The following PTPRM variants were observed in gnomAD, a reference collection of about 807,000 sequenced individuals.
The protein encoded by PTPRM is receptor-type tyrosine-protein phosphatase mu.
A neutral mutation model predicts 186.7 loss-of-function variants in PTPRM; 47 were observed. The observed-to-expected ratio is 0.25, with a 90% CI of 0.20 to 0.32. PTPRM has a LOEUF of 0.32. Ranked by LOEUF, PTPRM falls within the 10% of genes least tolerant of loss-of-function variation. The pLI is 1.00. For synonymous variants in PTPRM, 668 were observed against 674.9 expected (o/e 0.99, Z 0.16); for missense variants, 1,494 against 1,865.0 (o/e 0.80, Z 3.66).
At position 7,739,074 on chromosome 18, in the gene PTPRM, A is replaced by T. The variant is rs193166919; in HGVS notation, c.74-35075A>T. Among the ~76,000 whole-genome samples, 181 of 152,274 alleles carry T rather than the reference A, an allele frequency of 1.2e-3. 1 individual carries two copies. The highest frequency in any genetic ancestry group is 2.0e-3 in the Non-Finnish European group (137 of 68,014). On this transcript the variant is annotated intron_variant, in intron 1 of 32. Transcript: ENST00000580170. Reference sequence around the variant, plus strand: ...TAAAAATCCACTTTTCTCGTCGCACATCACAATCTGATCGAGAAGTGGTTC... The same window carrying T: ...TAAAAATCCACTTTTCTCGTCGCACTTCACAATCTGATCGAGAAGTGGTTC...
intron 2 of PTPRM, among the ~76,000 whole-genome samples, chr18:7,828,945 C>T (rs78068605): frequency 2.6e-5 from 4 of 152,182 alleles, no homozygotes; most frequent in Non-Finnish European, 5.9e-5. Context: ...TTTCTTCTCT[C>T]TCTCTTTTTT....
chr18:7,851,702 G>A (rs2046868632), intron 2 of PTPRM, among the ~76,000 whole-genome samples: 1 of 151,954 alleles, frequency 6.6e-6, no homozygotes, highest in Non-Finnish European at 1.5e-5. Context: ...AACACTAAAA[G>A]GAGTTCTTTT....
intron 7 of PTPRM, among the ~76,000 whole-genome samples, chr18:7,984,602 T>TATATATATATATATATACACAC (rs1214502563): frequency 2.1e-4 from 18 of 87,164 alleles, no homozygotes; most frequent in African/African-American, 7.9e-4. Flanking sequence ...TATATATATA[T>TATATATATATATATATACACAC]ACACACACAC....
chr18:7,990,003 A>G (rs2083179224), intron 7 of PTPRM, among the ~76,000 whole-genome samples: 1 of 152,194 alleles, frequency 6.6e-6, no homozygotes, highest in African/African-American at 2.4e-5. Flanking sequence ...TCCCGGGTTC[A>G]AGTGAGTCTC....
At chr18:7,830,722 T>A (rs1378112716) in intron 2 of PTPRM, among the ~76,000 whole-genome samples, 1 of 152,190 alleles carries the variant, frequency 6.6e-6, no homozygotes, top group Non-Finnish European at 1.5e-5. Flanking sequence ...AAGCTGCCAA[T>A]CATCCTGTCT....
At chr18:8,390,660 G>A (rs1294798256) in intron 31 of PTPRM, among the ~76,000 whole-genome samples, 2 of 152,192 alleles carry the variant, frequency 1.3e-5, no homozygotes, top group African/African-American at 4.8e-5. Context: ...CCAGCGCAGT[G>A]GCTCACGCCT....
chr18:7,641,654 A>G (rs372968901), intron 1 of PTPRM, among the ~76,000 whole-genome samples: 3 of 152,360 alleles, frequency 2.0e-5, no homozygotes, highest in African/African-American at 7.2e-5. Flanking sequence ...GAAGAATTTG[A>G]TATGATACTG....
intron 14 of PTPRM, among the ~76,000 whole-genome samples, chr18:8,212,164 T>G (rs1601252455): frequency 6.6e-6 from 1 of 152,158 alleles, no homozygotes. Context: ...CAGGTGCCTG[T>G]GCCTGGTAGG....
chr18:7,923,710 C>T (rs968321882), intron 4 of PTPRM, among the ~76,000 whole-genome samples: 2 of 152,136 alleles, frequency 1.3e-5, no homozygotes, highest in Non-Finnish European at 2.9e-5. Context: ...GTTTGTCTAC[C>T]TGGGAGCTGA....
chr18:7,784,264 A>G (rs2042994663), intron 2 of PTPRM, among the ~76,000 whole-genome samples: 1 of 152,176 alleles, frequency 6.6e-6, no homozygotes, highest in South Asian at 2.1e-4. Context: ...TCCCACTGTG[A>G]AAGGTGATCC....
intron 1 of PTPRM, among the ~76,000 whole-genome samples, chr18:7,737,567 A>T (rs952225701): frequency 6.6e-6 from 1 of 152,240 alleles, no homozygotes; most frequent in Non-Finnish European, 1.5e-5. Context: ...ACCAGTGTGC[A>T]TCTGGCTACT....
At chr18:8,258,200 G>A (rs2094592828) in intron 19 of PTPRM, among the ~76,000 whole-genome samples, 1 of 152,194 alleles carries the variant, frequency 6.6e-6, no homozygotes, top group South Asian at 2.1e-4. Context: ...TGCTGTGAGA[G>A]AAGAGCTGCC....
intron 7 of PTPRM, among the ~76,000 whole-genome samples, chr18:8,004,219 T>C (rs1364988852): frequency 6.6e-6 from 1 of 152,228 alleles, no homozygotes; most frequent in East Asian, 1.9e-4. Context: ...ACCACTTACT[T>C]ACAGTAAGGG....
At chr18:7,650,671 G>C (rs2038679390) in intron 1 of PTPRM, among the ~76,000 whole-genome samples, 1 of 151,996 alleles carries the variant, frequency 6.6e-6, no homozygotes, top group African/African-American at 2.4e-5. Context: ...GTGATATAGA[G>C]ATTCATGATG....
intron 2 of PTPRM, among the ~76,000 whole-genome samples, chr18:7,831,599 A>G (rs2045762736): frequency 6.6e-6 from 1 of 152,162 alleles, no homozygotes; most frequent in African/African-American, 2.4e-5. Flanking sequence ...CCCCTCAAGC[A>G]TTTGTCCTTT....
intron 14 of PTPRM, among the ~76,000 whole-genome samples, chr18:8,186,789 A>G (rs1223843494): frequency 1.3e-5 from 2 of 152,240 alleles, no homozygotes; most frequent in African/African-American, 4.8e-5. Flanking sequence ...TTTGAGGTTC[A>G]AAGACATCTA....
At chr18:8,378,668 C>T (rs1312588823) in intron 27 of PTPRM, among the ~76,000 whole-genome samples, 1 of 152,182 alleles carries the variant, frequency 6.6e-6, no homozygotes, top group Non-Finnish European at 1.5e-5. Context: ...ACTGGTCTAA[C>T]AACCATTTCC....
intron 14 of PTPRM, among the ~76,000 whole-genome samples, chr18:8,174,628 C>T (rs1402935294): frequency 6.6e-6 from 1 of 152,134 alleles, no homozygotes; most frequent in Non-Finnish European, 1.5e-5. Flanking sequence ...AGGGAAAGTG[C>T]AATTTGCTGT....
chr18:8,303,779 A>C (rs1020852587), intron 20 of PTPRM, among the ~76,000 whole-genome samples: 11 of 152,110 alleles, frequency 7.2e-5, no homozygotes, highest in African/African-American at 2.4e-4. Context: ...TCCTGCTCAG[A>C]ACCTGCATGG....
Sources: allele counts gnomAD v4.1 joint callset (sites outside exome capture counted in the v4.1 genomes callset), GRCh38; gene constraint gnomAD v4.1.1; transcripts MANE v1.5; gene names NCBI Gene and HGNC (gene_info 2026-07-23, HGNC 2026-07-21).